The following FNIP2 variants were observed in gnomAD, a reference collection of about 807,000 sequenced individuals.
FNIP2 encodes folliculin interacting protein 2.
Under a neutral mutation model 108.7 loss-of-function variants are expected in FNIP2, and 32 were observed. The observed-to-expected ratio is 0.29, with a 90% CI of 0.22 to 0.40. FNIP2 has a LOEUF of 0.40. Among genes scored for constraint, FNIP2 ranks in the 10% least tolerant of loss-of-function variants. The pLI is 1.00. For synonymous variants in FNIP2, 480 were observed against 496.7 expected, an observed-to-expected ratio of 0.97 and a Z score of 0.45; for missense variants, 1,202 against 1,381.6, an observed-to-expected ratio of 0.87 and a Z score of 2.06.
intron 16 of FNIP2, among the ~76,000 whole-genome samples, chr4:158,904,157 T>C (rs1467310965): frequency 1.3e-5 from 2 of 152,178 alleles, no homozygotes; most frequent in Non-Finnish European, 2.9e-5. Context: ...TGAAGTTATA[T>C]AGGGAATACA....
At chr4:158,825,002 T>A (rs1778076852) in intron 1 of FNIP2, among the ~76,000 whole-genome samples, 1 of 152,244 alleles carries the variant, frequency 6.6e-6, no homozygotes, top group Non-Finnish European at 1.5e-5. Flanking sequence ...TTTGTAGTGA[T>A]ACATTCGTCT....
At chr4:158,781,286 A>C (rs1163484390) in intron 1 of FNIP2, among the ~76,000 whole-genome samples, 1 of 152,072 alleles carries the variant, frequency 6.6e-6, no homozygotes, top group Non-Finnish European at 1.5e-5. Flanking sequence ...AGAGGTGAAA[A>C]ACTTTTTACC....
intron 13 of FNIP2, among the ~76,000 whole-genome samples, chr4:158,869,700 A>G (rs1449752745): frequency 6.6e-6 from 1 of 152,182 alleles, no homozygotes; most frequent in Non-Finnish European, 1.5e-5. Context: ...GGGAAGCCTA[A>G]GGGATGTGGT....
At chr4:158,809,225 G>A (rs542425547) in intron 1 of FNIP2, among the ~76,000 whole-genome samples, 1 of 152,308 alleles carries the variant, frequency 6.6e-6, no homozygotes, top group African/African-American at 2.4e-5. Context: ...TTGGGAGGCT[G>A]AGGTGGGCAG....
At chr4:158,814,757 A>G (rs896893017) in intron 1 of FNIP2, among the ~76,000 whole-genome samples, 2 of 152,252 alleles carry the variant, frequency 1.3e-5, no homozygotes, top group Admixed American at 1.3e-4. Flanking sequence ...AAAGCTCAAT[A>G]AATGCCATTG....
chr4:158,895,943 T>C, intron 16 of FNIP2, 78 bp downstream of exon 16: 3 of 1,093,176 alleles, frequency 2.7e-6, no homozygotes, highest in Non-Finnish European at 4.1e-6. Context: ...GTTTAGCCTG[T>C]GTCACCCTAA....
chr4:158,884,528 C>A (rs771156311), intron 14 of FNIP2, among the ~76,000 whole-genome samples: 1 of 152,102 alleles, frequency 6.6e-6, no homozygotes, highest in African/African-American at 2.4e-5. Flanking sequence ...GATGGACTCA[C>A]GCCAGGTCCT....
chr4:158,807,681 A>G (rs529120650), intron 1 of FNIP2, among the ~76,000 whole-genome samples: 2 of 152,354 alleles, frequency 1.3e-5, no homozygotes, highest in Admixed American at 1.3e-4. Flanking sequence ...AATAGAAACA[A>G]TAAAACAGGG....
chr4:158,777,600 A>C (rs908667114), intron 1 of FNIP2, among the ~76,000 whole-genome samples: 7 of 152,186 alleles, frequency 4.6e-5, no homozygotes, highest in African/African-American at 1.7e-4. Context: ...AGAATGGTAC[A>C]TTGAGTAAGT....
At chr4:158,877,797 G>A (rs900222028) in intron 14 of FNIP2, among the ~76,000 whole-genome samples, 1 of 152,154 alleles carries the variant, frequency 6.6e-6, no homozygotes, top group African/African-American at 2.4e-5. Context: ...AATTAGCAGG[G>A]GCGTGATGGC....
rs1729775387 is a variant in FNIP2 at position 158,905,706 on chromosome 4, A to C, written c.*1162A>C. ...CCTAAAGTTCATGCAAAAAAAAAAA[A>C]AAAACAACCTAATTTTCTGTTAATA... On this transcript the variant is annotated 3_prime_UTR_variant, in exon 17 of 17. Transcript: ENST00000264433. 6.6e-6 allele frequency: 1 copy of C among 151,854 alleles called. No individual in the cohort carries two copies. The highest frequency in any genetic ancestry group is 2.4e-5 in the African/African-American group (1 of 41,156). 9.4% of individuals were successfully genotyped at this position (151,854 alleles called of 1,614,324 possible). A position where few individuals can be genotyped will look rare whatever the true frequency, so the allele number is the denominator to read the frequency against.
Position 158,830,700 on chromosome 4 carries a change from G to A in FNIP2, c.382-1161G>A, listed in dbSNP as rs1421540304. On this transcript the variant is annotated intron_variant, in intron 3 of 16. Coordinates refer to ENST00000264433, the MANE Select transcript of FNIP2 (RefSeq NM_020840.3). ...AAAAAGATTTGGAAGAGTATGTTAAGGGTGATTCCCATGTTTTTCCTTGGG... is the reference window on the plus strand; with the variant it reads ...AAAAAGATTTGGAAGAGTATGTTAAAGGTGATTCCCATGTTTTTCCTTGGG... 2.0e-5 allele frequency among the ~76,000 whole-genome samples: 3 copies of A among 152,228 alleles called. No individual in the cohort carries two copies. The South Asian group carries it at 6.2e-4, about 31-fold the overall frequency.
intron 12 of FNIP2, among the ~76,000 whole-genome samples, chr4:158,862,594 C>T (rs1780357166): frequency 1.3e-5 from 2 of 152,076 alleles, no homozygotes. Context: ...CACTGGATTA[C>T]GATAGTTAAG....
chr4:158,869,548 C>T, intron 13 of FNIP2, 120 bp downstream of exon 13: 1 of 1,309,660 alleles, frequency 7.6e-7, no homozygotes, highest in Non-Finnish European at 1.0e-6. Flanking sequence ...TCTTTTTTTC[C>T]ACAAAGTACT....
chr4:158,891,678 T>C, intron 15 of FNIP2, 32 bp downstream of exon 15: 1 of 1,555,074 alleles, frequency 6.4e-7, no homozygotes, highest in African/African-American at 1.4e-5. Flanking sequence ...ACCAAAGAAA[T>C]CTAGTTTTAA....
chr4:158,782,283 A>T (rs1345290318), intron 1 of FNIP2, among the ~76,000 whole-genome samples: 1 of 152,192 alleles, frequency 6.6e-6, no homozygotes, highest in African/African-American at 2.4e-5. Flanking sequence ...GTTTTAGTGT[A>T]TATGATATAT....
Position 158,833,550 on chromosome 4 carries a change from A to G in FNIP2, c.577A>G (p.Ile193Val), listed in dbSNP as rs755418696. ...TNNLQDSFEY[I>V]NQDPNLGKLN... is the part of the protein sequence containing the mutation. The stretch of plus-strand genomic sequence containing the variant: ...TAGCTTGCAAGACAGCTTTGAGTAC[A>G]TCAACCAAGATCCTAATTTGGGAAA... Residue 193 changes from isoleucine to valine, a missense_variant, in exon 6 of 17, where the codon ATC (isoleucine) becomes GTC (valine). Coordinates refer to ENST00000264433, the MANE Select transcript of FNIP2 (RefSeq NM_020840.3). The G allele has an allele frequency of 2.5e-6, 4 of 1,607,830 alleles. No individual in the cohort carries two copies. The highest frequency in any genetic ancestry group is 2.2e-5 in the South Asian group (2 of 88,960).
At chr4:158,886,291 A>T (rs1782019396) in intron 14 of FNIP2, among the ~76,000 whole-genome samples, 1 of 152,256 alleles carries the variant, frequency 6.6e-6, no homozygotes, top group African/African-American at 2.4e-5. Context: ...TGATAATGGC[A>T]TATGGCCTCT....
intron 1 of FNIP2, among the ~76,000 whole-genome samples, chr4:158,771,539 C>A (rs1292081685): frequency 6.6e-6 from 1 of 152,182 alleles, no homozygotes; most frequent in East Asian, 1.9e-4. Flanking sequence ...GCATTAGCTG[C>A]CCTTGGGAAC....
Sources: gnomAD v4.1 joint callset for allele counts (sites outside exome capture counted in the v4.1 genomes callset) on GRCh38, gnomAD v4.1.1 for gene constraint, MANE v1.5 for transcripts, NCBI Gene and HGNC (gene_info 2026-07-23, HGNC 2026-07-21) for gene names.